LONRF1: variants seen among roughly 807,000 people sequenced by gnomAD.
LONRF1 encodes the protein LON peptidase N-terminal domain and ring finger 1, also known as LON peptidase N-terminal domain and RING finger protein 1.
LONRF1 carries 37 observed loss-of-function variants against 85.8 expected under a neutral mutation model. The observed-to-expected ratio is 0.43, with a 90% CI of 0.33 to 0.57. The LOEUF is 0.57. LONRF1 is among the 20% of genes least tolerant of loss of function. The pLI, the probability that LONRF1 is intolerant of heterozygous loss-of-function variation, is 0.04. For synonymous variants in LONRF1, 517 were observed against 390.1 expected (o/e 1.33, Z -3.83); for missense variants, 1,036 against 978.0 (o/e 1.06, Z -0.79).
At chr8:12,723,939 CA>C (rs1164826425) in intron 11 of LONRF1, among the ~76,000 whole-genome samples, 2 of 152,280 alleles carry the variant, frequency 1.3e-5, no homozygotes, top group Non-Finnish European at 2.9e-5. Context: ...GCTATTGAAA[CA>C]ACTAGAAATT....
At chr8:12,746,480 T>C (rs997956325) in intron 1 of LONRF1, among the ~76,000 whole-genome samples, 1 of 152,138 alleles carries the variant, frequency 6.6e-6, no homozygotes, top group Non-Finnish European at 1.5e-5. Context: ...AGCTCACCAG[T>C]CTCCTCCCAA....
intron 1 of LONRF1, among the ~76,000 whole-genome samples, chr8:12,751,305 T>TTTTTTG (rs1563160676): frequency 1.4e-5 from 1 of 69,718 alleles, no homozygotes; most frequent in Non-Finnish European, 4.0e-5. Flanking sequence ...TGTTTTTTTT[T>TTTTTTG]TTTTTTTTTT....
chr8:12,743,242 T>C lies in LONRF1; in HGVS notation c.762A>G (p.Ser254=). The stretch of plus-strand genomic sequence containing the variant: ...CTTTAAACTCTTGGAGACCAGCATA[T>C]GATTCCGCTCTGTAAATTTTTACAA... ...DLIVKIYRAE[S]YAGLQEFKAA... Residue 254 remains serine, a synonymous_variant, in exon 2 of 12, where the codon TCA becomes TCG. Coordinates refer to ENST00000398246, the MANE Select transcript of LONRF1 (RefSeq NM_152271.5). 1 of 1,612,834 alleles carries C rather than the reference T, an allele frequency of 6.2e-7. No individual in the cohort carries two copies. Among genetic ancestry groups the C allele is most frequent in the Non-Finnish European group, 8.5e-7 (1 of 1,179,092 alleles).
At chr8:12,732,000 G>A (rs927585784) in intron 7 of LONRF1, 143 bp from the exon 8 acceptor site, 11 of 797,562 alleles carry the variant, frequency 1.4e-5, no homozygotes, top group African/African-American at 3.5e-5. Context: ...ACATTACAAT[G>A]GATGATGCTA....
In LONRF1 at chr8:12,755,211, C is replaced by G; in HGVS notation, c.210G>C (p.Ala70=). The G allele has an allele frequency of 7.9e-7, 1 of 1,263,216 alleles. No homozygotes were observed. The highest frequency in any genetic ancestry group is 9.9e-7 in the Non-Finnish European group (1 of 1,009,544). 78.3% of individuals were successfully genotyped at this position (1,263,216 alleles called of 1,614,324 possible). A position where few individuals can be genotyped will look rare whatever the true frequency, so the allele number is the denominator to read the frequency against. ...CCCCGCGGCGCAGCGCCGCCGCGAA[C>G]GCCTCCAGCGCGCCCTTCAGGTGGC... ...LGGHLKGALE[A]FAAALRRGAP... is the part of the protein sequence containing the mutation. Residue 70 remains alanine (A), a synonymous_variant, in exon 1 of 12, where the codon GCG becomes GCC. Transcript: ENST00000398246.
intron 1 of LONRF1, among the ~76,000 whole-genome samples, chr8:12,749,238 C>T (rs769166904): frequency 3.1e-4 from 47 of 152,174 alleles, no homozygotes; most frequent in Non-Finnish European, 5.9e-4. Flanking sequence ...TTGTCTTTTA[C>T]CCACATAAAT....
At chr8:12,740,784 G>A (rs1327163620) in intron 3 of LONRF1, 90 bp downstream of exon 3, 1 of 1,479,706 alleles carries the variant, frequency 6.8e-7, no homozygotes, top group Non-Finnish European at 9.1e-7. Context: ...TACTACTTAT[G>A]TTCTTATTCC....
rs1798440646 is a variant in LONRF1, at chr8:12,729,343, AAC to A, written c.1689-13_1689-12del. On this transcript the variant is annotated splice_polypyrimidine_tract_variant and intron_variant, in intron 8 of 11. Coordinates refer to ENST00000398246, the MANE Select transcript of LONRF1 (RefSeq NM_152271.5). ...ACATTCTTGGTCAAGCTAAGGGAAA[AAC>A]AGTTTAATTATTAGAATTCATACAA... 3 of 1,611,822 alleles carry A rather than the reference AAC, an allele frequency of 1.9e-6. No homozygotes were observed. Among genetic ancestry groups the A allele is most frequent in the Admixed American group, 1.7e-5 (1 of 59,720 alleles).
intron 1 of LONRF1, among the ~76,000 whole-genome samples, chr8:12,747,284 G>C (rs1346880853): frequency 2.0e-5 from 3 of 152,124 alleles, no homozygotes; most frequent in Non-Finnish European, 4.4e-5. Context: ...TTCTATTCTA[G>C]AGTCATGGTT....
chr8:12,745,870 C>G (rs190646110), intron 1 of LONRF1, among the ~76,000 whole-genome samples: 11 of 152,294 alleles, frequency 7.2e-5, no homozygotes, highest in Admixed American at 3.3e-4. Flanking sequence ...GTACCCATAT[C>G]TACCAGAAGC....
At chr8:12,742,766 T>C (rs1295559188) in intron 2 of LONRF1, among the ~76,000 whole-genome samples, 1 of 151,966 alleles carries the variant, frequency 6.6e-6, no homozygotes, top group African/African-American at 2.4e-5. Flanking sequence ...AGACAGGGTC[T>C]GACACCAAGG....
Position 12,755,012 on chromosome 8 carries a change from G to T in LONRF1, c.409C>A (p.Pro137Thr), listed in dbSNP as rs1215327208. The T allele has an allele frequency of 6.7e-7, 1 of 1,492,782 alleles. No individual in the cohort carries two copies. The allele number at this position is 1,492,782 out of a possible 1,614,324, so 92.5% of individuals were successfully genotyped here. ...RGFLSEPVTV[P>T]CGHSYCRRCL... ...CGGCGGCAGTAGCTGTGGCCACAGG[G>T]CACGGTCACCGGCTCGCTCAGGAAG... Residue 137 changes from proline (P) to threonine (T), a missense_variant, in exon 1 of 12, where the codon CCC becomes ACC. Pro to Thr is a conservative substitution (Grantham distance 38). Coordinates refer to ENST00000398246, the MANE Select transcript of LONRF1 (RefSeq NM_152271.5).
At position 12,737,906 on chromosome 8, in the gene LONRF1, T is replaced by A. The variant is rs1050513047; in HGVS notation, c.1113+89A>T. The A allele has an allele frequency of 5.3e-6, 7 of 1,326,584 alleles. No homozygotes were observed. The African/African-American group carries it at 7.7e-5, about 15-fold the overall frequency. The allele number at this position is 1,326,584 out of a possible 1,614,324, so 82.2% of individuals were successfully genotyped here. A position where few individuals can be genotyped will look rare whatever the true frequency, so the allele number is the denominator to read the frequency against. ...ACCAGGTTAAAAGTACTTAAGTAGG[T>A]GCTAGTACTTGAAACTAGGAAAGTG... On this transcript the variant is annotated intron_variant, in intron 4 of 11. Coordinates refer to ENST00000398246, the MANE Select transcript of LONRF1 (RefSeq NM_152271.5).
At chr8:12,728,768 G>T in intron 10 of LONRF1, 133 bp downstream of exon 10, 1 of 950,424 alleles carries the variant, frequency 1.1e-6, no homozygotes, top group Non-Finnish European at 1.6e-6. Flanking sequence ...GTAACTTGGA[G>T]CACATTCTCA....
Position 12,755,060 on chromosome 8 carries a change from G to C in LONRF1, c.361C>G (p.Leu121Val). ...AGADGGAGGL[L>V]RCLGCRGFLS... The stretch of plus-strand genomic sequence containing the variant: ...AAGCCCCGGCAGCCCAGGCATCTGA[G>C]GAGCCCGCCGGCGCCGCCGTCAGCG... The change falls in exon 1 of 12, where the codon CTC becomes GTC. Residue 121 changes from leucine (L) to valine (V), a missense_variant. By Grantham distance (32) the Leu-to-Val change is conservative. Transcript: ENST00000398246. 1 of 1,475,920 alleles carries C rather than the reference G, an allele frequency of 6.8e-7. No homozygotes were observed. 91.4% of individuals were successfully genotyped at this position (1,475,920 alleles called of 1,614,324 possible). A position where few individuals can be genotyped will look rare whatever the true frequency, so the allele number is the denominator to read the frequency against.
At chr8:12,750,705 T>C (rs762776859) in intron 1 of LONRF1, among the ~76,000 whole-genome samples, 2 of 152,222 alleles carry the variant, frequency 1.3e-5, no homozygotes, top group Admixed American at 6.5e-5. Context: ...ACTGATCTTC[T>C]GATAGCTAAA....
chr8:12,725,715 A>G lies in LONRF1; in HGVS notation c.2163+12T>C. The G allele has an allele frequency of 6.3e-7, 1 of 1,597,214 alleles. No individual in the cohort carries two copies. Among genetic ancestry groups the G allele is most frequent in the African/African-American group, 1.3e-5 (1 of 74,186 alleles). Reference sequence around the variant, plus strand: ...AAAAGTGACTTTTGGAAGAACAGAAAAGCCACCATACCTGAAGGTTTTCCT... The same window carrying G: ...AAAAGTGACTTTTGGAAGAACAGAAGAGCCACCATACCTGAAGGTTTTCCT... On this transcript the variant is annotated intron_variant, in intron 11 of 11. Transcript: ENST00000398246.
At chr8:12,732,735 A>G (rs947415886) in intron 7 of LONRF1, among the ~76,000 whole-genome samples, 3 of 152,302 alleles carry the variant, frequency 2.0e-5, no homozygotes, top group Admixed American at 1.3e-4. Context: ...AGCGTGTAGT[A>G]TATGTACACA....
At chr8:12,748,974 G>A (rs145559795) in intron 1 of LONRF1, among the ~76,000 whole-genome samples, 125 of 152,198 alleles carry the variant, frequency 8.2e-4, no homozygotes, top group African/African-American at 2.9e-3. Context: ...CAGAAATTGG[G>A]TTCAGATCCC....
Sources: gnomAD v4.1 joint callset for allele counts (sites outside exome capture counted in the v4.1 genomes callset) on GRCh38, gnomAD v4.1.1 for gene constraint, MANE v1.5 for transcripts, NCBI Gene and HGNC (gene_info 2026-07-23, HGNC 2026-07-21) for gene names.